TECPR1: variants seen among roughly 807,000 people sequenced by gnomAD.
TECPR1 encodes tectonin beta-propeller repeat-containing protein 1.
In TECPR1, 122 loss-of-function variants were observed where a neutral mutation model predicts 162.4. The observed-to-expected ratio is 0.75, with a 90% confidence interval of 0.65 to 0.87. The LOEUF (loss-of-function observed/expected upper bound fraction) is 0.87, where lower values mean the gene tolerates loss of function less well. TECPR1 is among the 40% of genes least tolerant of loss of function. The probability of loss-of-function intolerance (pLI) is 0.00; values close to 1 mark genes in which losing one functional copy is unlikely to be tolerated. For synonymous variants in TECPR1, 642 were observed against 670.6 expected (o/e 0.96, Z 0.66); for missense variants, 1,432 against 1,618.2 (o/e 0.88, Z 1.97).
Position 98,241,313 on chromosome 7 carries a change from G to A in TECPR1, c.658-69C>T, listed in dbSNP as rs1265534241. The A allele has an allele frequency of 6.3e-7, 1 of 1,579,884 alleles. No individual in the cohort carries two copies. The highest frequency in any genetic ancestry group is 8.6e-7 in the Non-Finnish European group (1 of 1,156,930). ...ACACCAGCCAAGCACGGGGGTCTCGGTGTGGTAGGGGGTAGGACCCATGTC... is the reference window on the plus strand; with the variant it reads ...ACACCAGCCAAGCACGGGGGTCTCGATGTGGTAGGGGGTAGGACCCATGTC... On this transcript the variant is annotated intron_variant, in intron 6 of 25. Coordinates refer to ENST00000447648, the MANE Select transcript of TECPR1 (RefSeq NM_015395.3). This position sits in a 1 kb window ranked among gnomAD's most constrained non-coding sequence, Gnocchi z 5.0.
At position 98,241,053 on chromosome 7, in the gene TECPR1, G is replaced by A. The variant is rs759634244; in HGVS notation, c.832+17C>T. The A allele has an allele frequency of 6.3e-7, 1 of 1,596,018 alleles. No homozygotes were observed. The highest frequency in any genetic ancestry group is 8.5e-7 in the Non-Finnish European group (1 of 1,170,688). ...CCCCAGTACAGGGTATGTGGGTGGG[G>A]GAGCCGGGCTGCCCACCTTTGGGAT... On this transcript the variant is annotated intron_variant, in intron 7 of 25. Transcript: ENST00000447648. This position sits in a 1 kb window ranked among gnomAD's most constrained non-coding sequence, Gnocchi z 5.0.
chr7:98,221,748 A>G lies in TECPR1; in HGVS notation c.3070T>C (p.Cys1024Arg). 1 of 1,612,358 alleles carries G rather than the reference A, an allele frequency of 6.2e-7. No homozygotes were observed. Among genetic ancestry groups the G allele is most frequent in the Non-Finnish European group, 8.5e-7 (1 of 1,179,216 alleles). Residue 1024 changes from cysteine (C) to arginine (R), a missense_variant, in exon 23 of 26, where the codon TGC becomes CGC. Coordinates refer to ENST00000447648, the MANE Select transcript of TECPR1 (RefSeq NM_015395.3). ...SVYPSQPAGD[C>R]WYHIPSPPRQ... ...GGTGGGGACGGGATGTGGTACCAGC[A>G]GTCACCTGCGAAGGGGAGGCTGACT...
At chr7:98,234,329 A>G (rs1447370412) in intron 10 of TECPR1, among the ~76,000 whole-genome samples, 1 of 151,972 alleles carries the variant, frequency 6.6e-6, no homozygotes, top group Non-Finnish European at 1.5e-5. Flanking sequence ...TAATTTTTGT[A>G]TTTTTAGTAG....
At chr7:98,229,293 G>A in intron 15 of TECPR1, 127 bp from the exon 16 acceptor site, 1 of 1,268,066 alleles carries the variant, frequency 7.9e-7, no homozygotes, top group Non-Finnish European at 1.1e-6. Flanking sequence ...TCCAAGCACA[G>A]ACCATCCACC....
chr7:98,218,480 G>A (rs757196018), intron 23 of TECPR1, among the ~76,000 whole-genome samples: 1 of 152,170 alleles, frequency 6.6e-6, no homozygotes, highest in Non-Finnish European at 1.5e-5. Flanking sequence ...CCCTAAAGAC[G>A]CCTCCAAAAG....
At position 98,223,205 on chromosome 7, in the gene TECPR1, C is replaced by A. The variant is rs372768819; in HGVS notation, c.2748-35G>T. 290 of 1,546,472 alleles carry A rather than the reference C, an allele frequency of 1.9e-4. 1 individual carries two copies. The highest frequency in any genetic ancestry group is 1.7e-3 in the Middle Eastern group (10 of 5,854). ...GGAGAGGGGACACAGCCCAGGGACCCCAAGGTGACCACCAGGCTCCAGGGC... is the reference window on the plus strand; with the variant it reads ...GGAGAGGGGACACAGCCCAGGGACCACAAGGTGACCACCAGGCTCCAGGGC... On this transcript the variant is annotated intron_variant, in intron 20 of 25. Coordinates refer to ENST00000447648, the MANE Select transcript of TECPR1 (RefSeq NM_015395.3).
intron 15 of TECPR1, 136 bp from the exon 16 acceptor site, chr7:98,229,302 C>T: frequency 8.8e-7 from 1 of 1,142,222 alleles, no homozygotes; most frequent in Non-Finnish European, 1.2e-6. Context: ...AGACCATCCA[C>T]CCTGCCTGAC....
At chr7:98,228,945 G>A in intron 16 of TECPR1, 94 bp downstream of exon 16, 3 of 1,475,308 alleles carry the variant, frequency 2.0e-6, no homozygotes, top group South Asian at 2.6e-5. Flanking sequence ...GTGAACACTG[G>A]GACAATGGCC....
chr7:98,226,796 G>A (rs766249551), intron 17 of TECPR1: 19 of 506,810 alleles, frequency 3.7e-5, no homozygotes, highest in South Asian at 6.8e-5. Context: ...AGCCAGGTAT[G>A]GTGGTGCATG....
In TECPR1 at chr7:98,247,455, A is replaced by C. The variant is rs1434975041; in HGVS notation, c.-19-1290T>G. On this transcript the variant is annotated intron_variant, in intron 2 of 25. Transcript: ENST00000447648. ...CATGCCTGGCCAGATCTTTGTTTTC[A>C]AAAGAATCAATGAAAGCTTACAGGT... Among the ~76,000 whole-genome samples, 4 of 152,138 alleles carry C rather than the reference A, an allele frequency of 2.6e-5. No homozygotes were observed. The East Asian group carries it at 5.9e-4, about 22-fold the overall frequency.
chr7:98,223,525 A>G (rs1798196257), intron 20 of TECPR1, 137 bp downstream of exon 20: 3 of 862,168 alleles, frequency 3.5e-6, no homozygotes, highest in Non-Finnish European at 3.6e-6. Flanking sequence ...TCTTCACCCT[A>G]CTCCCCACTG....
At position 98,223,354 on chromosome 7, in the gene TECPR1, C is replaced by G. The variant is rs578124142; in HGVS notation, c.2748-184G>C. Reference sequence around the variant, plus strand: ...GGCCCAGCCAGGCCCCCACCCCCACCCCCAGCCCCAGCCAGGCCCCGTTCT... The same window carrying G: ...GGCCCAGCCAGGCCCCCACCCCCACGCCCAGCCCCAGCCAGGCCCCGTTCT... On this transcript the variant is annotated intron_variant, in intron 20 of 25. Coordinates refer to ENST00000447648, the MANE Select transcript of TECPR1 (RefSeq NM_015395.3). Among the ~76,000 whole-genome samples, 656 of 150,058 alleles carry G rather than the reference C, an allele frequency of 4.4e-3. 8 individuals are homozygous for G. Among genetic ancestry groups the G allele is most frequent in the African/African-American group, 0.015 (621 of 40,734 alleles).
chr7:98,227,425 C>T (rs1562935498), intron 17 of TECPR1, among the ~76,000 whole-genome samples: 1 of 150,700 alleles, frequency 6.6e-6, no homozygotes, highest in East Asian at 2.0e-4. Context: ...AACAAAAGTA[C>T]AAACCTCTCT....
In TECPR1 at chr7:98,231,873, C is replaced by A; in HGVS notation, c.1905G>T (p.Gln635His). The change falls in exon 13 of 26, where the codon CAG becomes CAT. Residue 635 changes from glutamine to histidine, a missense_variant. Coordinates refer to ENST00000447648, the MANE Select transcript of TECPR1 (RefSeq NM_015395.3). ...KWVDVRLALE[Q>H]FTGHDGVRDS... is the part of the protein sequence containing the mutation. Reference sequence around the variant, plus strand: ...CCCGGACGCCGTCGTGCCCCGTGAACTGCTCCAGGGCCAAGCGCACGTCCA... The same window carrying A: ...CCCGGACGCCGTCGTGCCCCGTGAAATGCTCCAGGGCCAAGCGCACGTCCA... The A allele has an allele frequency of 6.2e-7, 1 of 1,612,698 alleles. No homozygotes were observed. Among genetic ancestry groups the A allele is most frequent in the Non-Finnish European group, 8.5e-7 (1 of 1,179,818 alleles).
rs569795751 is a variant in TECPR1 at position 98,216,073 on chromosome 7, G to C, written c.*1317C>G. On this transcript the variant is annotated 3_prime_UTR_variant, in exon 26 of 26. Coordinates refer to ENST00000447648, the MANE Select transcript of TECPR1 (RefSeq NM_015395.3). The stretch of plus-strand genomic sequence containing the variant: ...TGGGGTTGGGCTCTGATGACCTCCC[G>C]GGCAAAGTGTCCAGGTGGAGGAAGC... The C allele has an allele frequency of 3.9e-5, 6 of 152,358 alleles. No individual in the cohort carries two copies. Among genetic ancestry groups the C allele is most frequent in the African/African-American group, 1.4e-4 (6 of 41,568 alleles). 9.4% of individuals were successfully genotyped at this position (152,358 alleles called of 1,614,324 possible).
At chr7:98,238,458 C>T (rs1191780153) in intron 9 of TECPR1, 51 bp downstream of exon 9, 26 of 1,447,862 alleles carry the variant, frequency 1.8e-5, no homozygotes, top group Non-Finnish European at 2.5e-5. Context: ...GCATCAGGAG[C>T]CCCCATTCTG....
Position 98,244,981 on chromosome 7 carries a change from C to T in TECPR1, c.312G>A (p.Arg104=), listed in dbSNP as rs1379457220. The part of the protein sequence containing the change: ...GWSDVSGLQH[R]PLDRVALPSP... ...AGGGCAGTGCCACCCTGTCCAGCGG[C>T]CGGTGCTGGAGCCCACTCACGTCAC... The change falls in exon 4 of 26, where the codon CGG becomes CGA. Residue 104 remains arginine (R), a synonymous_variant. Transcript: ENST00000447648. The T allele has an allele frequency of 2.5e-6, 4 of 1,612,272 alleles. No individual in the cohort carries two copies. In the Admixed American group the frequency reaches 6.7e-5, roughly 27 times the overall value.
Position 98,231,974 on chromosome 7 carries a change from G to A in TECPR1, c.1819-15C>T, listed in dbSNP as rs745672716. 6.3e-7 allele frequency: 1 copy of A among 1,590,646 alleles called. No individual in the cohort carries two copies. Among genetic ancestry groups the A allele is most frequent in the Non-Finnish European group, 8.5e-7 (1 of 1,173,030 alleles). The stretch of plus-strand genomic sequence containing the variant: ...ACCCACACCGACTGCGCAGGCCGGG[G>A]CAGTGGACACCATCACAGGCAGGCC... On this transcript the variant is annotated splice_polypyrimidine_tract_variant and intron_variant, in intron 12 of 25. Transcript: ENST00000447648.
At chr7:98,242,896 C>T (rs1186224872) in intron 6 of TECPR1, among the ~76,000 whole-genome samples, 34 of 144,118 alleles carry the variant, frequency 2.4e-4, no homozygotes, top group South Asian at 4.8e-4. Flanking sequence ...ATACACCCAC[C>T]CACCCACTCA....
Sources: gnomAD v4.1 joint callset for allele counts (sites outside exome capture counted in the v4.1 genomes callset) on GRCh38, gnomAD v4.1.1 for gene constraint, Gnocchi (gnomAD v3.1) non-coding constraint, MANE v1.5 for transcripts, NCBI Gene and HGNC (gene_info 2026-07-23, HGNC 2026-07-21) for gene names.